The following COL25A1 variants were observed in gnomAD, a reference collection of about 807,000 sequenced individuals.
The protein encoded by COL25A1 is collagen alpha-1(XXV) chain.
COL25A1 carries 103 observed loss-of-function variants against 128.4 expected under a neutral mutation model. The ratio of observed to expected loss-of-function variants is 0.80; its 90% CI spans 0.68 to 0.94. The LOEUF (loss-of-function observed/expected upper bound fraction) is 0.94. Among genes scored for constraint, COL25A1 ranks in the 40% least tolerant of loss-of-function variants. The pLI, the probability that COL25A1 is intolerant of heterozygous loss-of-function variation, is 0.00. For synonymous variants in COL25A1, 279 were observed against 277.2 expected (o/e 1.01, Z -0.06); for missense variants, 745 against 840.0 (o/e 0.89, Z 1.40).
intron 3 of COL25A1, among the ~76,000 whole-genome samples, chr4:109,083,721 C>T (rs931076654): frequency 2.6e-5 from 4 of 151,998 alleles, no homozygotes; most frequent in Non-Finnish European, 5.9e-5. Flanking sequence ...GCCTCAGCAT[C>T]CCAAAAGTGC....
intron 3 of COL25A1, among the ~76,000 whole-genome samples, chr4:109,212,502 A>G (rs1229843954): frequency 6.6e-6 from 1 of 152,180 alleles, no homozygotes; most frequent in African/African-American, 2.4e-5. Context: ...AGTGCATGAC[A>G]TCACTTCTGC....
chr4:109,014,816 G>A (rs748684907), intron 5 of COL25A1, among the ~76,000 whole-genome samples: 5 of 152,170 alleles, frequency 3.3e-5, no homozygotes, highest in Non-Finnish European at 5.9e-5. Flanking sequence ...ACGCTTCCCA[G>A]AGAAACAAAG....
intron 3 of COL25A1, among the ~76,000 whole-genome samples, chr4:109,068,074 C>G (rs567657192): frequency 2.0e-5 from 3 of 152,254 alleles, no homozygotes; most frequent in Non-Finnish European, 2.9e-5. Flanking sequence ...GGTGGCTCCT[C>G]CAAGGCCAGC....
intron 3 of COL25A1, among the ~76,000 whole-genome samples, chr4:109,073,960 A>G (rs1417303495): frequency 6.6e-6 from 1 of 152,198 alleles, no homozygotes; most frequent in East Asian, 1.9e-4. Flanking sequence ...AAAGATGTAG[A>G]TTATTTAGGC....
chr4:108,837,644 T>C (rs1460015031), intron 31 of COL25A1, among the ~76,000 whole-genome samples: 1 of 152,226 alleles, frequency 6.6e-6, no homozygotes, highest in Non-Finnish European at 1.5e-5. Flanking sequence ...AGCCACAGCA[T>C]TGACCTCACT....
At chr4:108,899,470 T>C (rs1331142317) in intron 14 of COL25A1, among the ~76,000 whole-genome samples, 1 of 152,144 alleles carries the variant, frequency 6.6e-6, no homozygotes, top group Non-Finnish European at 1.5e-5. Context: ...CTAAGGAGAA[T>C]GATGGTGTGG....
chr4:108,861,016 A>T (rs771982988), intron 22 of COL25A1, 45 bp from the exon 23 acceptor site: 1 of 1,524,474 alleles, frequency 6.6e-7, no homozygotes, highest in Non-Finnish European at 9.1e-7. Flanking sequence ...AAGTGGGGGA[A>T]TCTAGAAATC....
Position 108,932,408 on chromosome 4 carries a change from G to A in COL25A1, c.708+5400C>T, listed in dbSNP as rs368085741. On this transcript the variant is annotated intron_variant, in intron 11 of 37. Coordinates refer to ENST00000399132, the MANE Select transcript of COL25A1 (RefSeq NM_198721.4). ...ACTAAAAGTATCTGTAAACTGTTTG[G>A]ACAAAAGTCCAAATTTCACTTTAAG... 3.0e-4 allele frequency among the ~76,000 whole-genome samples: 45 copies of A among 152,168 alleles called. No homozygotes were observed. The South Asian group carries it at 9.3e-3, about 32-fold the overall frequency.
chr4:109,302,513 T>G lies in COL25A1; in HGVS notation c.-401A>C. On this transcript the variant is annotated 5_prime_UTR_variant, in exon 1 of 38. The change abolishes an upstream ATG in the 5' untranslated region. Transcript: ENST00000399132. ...CACGCCGACCTGTTTCCCACCTGCATTCAGTTCAAGGCAAAAAGGCTGTGA... is the reference window on the plus strand; with the variant it reads ...CACGCCGACCTGTTTCCCACCTGCAGTCAGTTCAAGGCAAAAAGGCTGTGA... The G allele has an allele frequency of 6.2e-6, 1 of 161,876 alleles. No homozygotes were observed. Among genetic ancestry groups the G allele is most frequent in the Non-Finnish European group, 1.3e-5 (1 of 74,776 alleles). The allele number at this position is 161,876 out of a possible 1,614,324, so 10.0% of individuals were successfully genotyped here.
At chr4:108,938,535 G>T (rs187346403) in intron 10 of COL25A1, among the ~76,000 whole-genome samples, 2 of 152,088 alleles carry the variant, frequency 1.3e-5, no homozygotes, top group Non-Finnish European at 2.9e-5. Flanking sequence ...CTATGACGGC[G>T]TCTGTGAATA....
rs145193849 is a variant in COL25A1, at chr4:109,257,430, A to G, written c.367+43153T>C. On this transcript the variant is annotated intron_variant, in intron 3 of 37. Transcript: ENST00000399132. ...TGTACAGTTTAACATCTGGTAAGCA[A>G]AAGAAAATCATGACTACTTCTCTTA... Among the ~76,000 whole-genome samples the G allele has an allele frequency of 1.9e-3, 283 of 152,326 alleles. 1 individual carries two copies. The highest frequency in any genetic ancestry group is 6.2e-3 in the African/African-American group (259 of 41,582).
chr4:109,219,774 T>C (rs1778288832), intron 3 of COL25A1, among the ~76,000 whole-genome samples: 1 of 152,184 alleles, frequency 6.6e-6, no homozygotes, highest in African/African-American at 2.4e-5. Context: ...AATTTTAGTT[T>C]ATTCTTGAGA....
chr4:108,880,323 T>G (rs544946277), intron 19 of COL25A1, among the ~76,000 whole-genome samples: 2 of 152,326 alleles, frequency 1.3e-5, no homozygotes, highest in African/African-American at 2.4e-5. Flanking sequence ...AAGGGTATAG[T>G]GTGATGTCAT....
At chr4:108,967,666 A>G (rs543481303) in intron 8 of COL25A1, among the ~76,000 whole-genome samples, 1 of 152,286 alleles carries the variant, frequency 6.6e-6, no homozygotes, top group African/African-American at 2.4e-5. Flanking sequence ...CTCCCTGATA[A>G]TCTATCTCTC....
intron 3 of COL25A1, among the ~76,000 whole-genome samples, chr4:109,125,776 A>G (rs1768539619): frequency 6.6e-6 from 1 of 152,172 alleles, no homozygotes; most frequent in African/African-American, 2.4e-5. Context: ...GTTGCCCCAC[A>G]CTGGAAGCCC....
chr4:109,101,688 T>G (rs2126023169), intron 3 of COL25A1, among the ~76,000 whole-genome samples: 1 of 152,302 alleles, frequency 6.6e-6, no homozygotes, highest in South Asian at 2.1e-4. Flanking sequence ...TCCCAGTAAT[T>G]TATTCCATAT....
chr4:109,145,146 C>T (rs1770808245), intron 3 of COL25A1, among the ~76,000 whole-genome samples: 1 of 148,892 alleles, frequency 6.7e-6, no homozygotes, highest in Admixed American at 6.8e-5. Context: ...TGGGCTCCTG[C>T]AAGCTCTGCC....
chr4:109,195,008 A>T (rs1169220113), intron 3 of COL25A1, among the ~76,000 whole-genome samples: 1 of 152,198 alleles, frequency 6.6e-6, no homozygotes, highest in East Asian at 1.9e-4. Context: ...TTGAGGGGAT[A>T]GATACTCCAT....
chr4:108,817,471 C>T, intron 36 of COL25A1, 36 bp from the exon 37 acceptor site: 2 of 1,596,156 alleles, frequency 1.3e-6, no homozygotes, highest in South Asian at 1.1e-5. Context: ...TCCTCAGGTT[C>T]CATAAGAGTG....
Sources: gnomAD v4.1 joint callset for allele counts (sites outside exome capture counted in the v4.1 genomes callset) on GRCh38, gnomAD v4.1.1 for gene constraint, MANE v1.5 for transcripts, NCBI Gene and HGNC (gene_info 2026-07-23, HGNC 2026-07-21) for gene names.